SACS: variants seen among roughly 807,000 people sequenced by gnomAD.
The protein encoded by SACS is sacsin.
Under a neutral mutation model 348.0 loss-of-function variants are expected in SACS, and 197 were observed. The observed-to-expected ratio is 0.57, with a 90% CI of 0.50 to 0.64. The LOEUF (loss-of-function observed/expected upper bound fraction) is 0.64, where lower values mean the gene tolerates loss of function less well. Among genes scored for constraint, SACS ranks in the 30% least tolerant of loss-of-function variants. The probability of loss-of-function intolerance (pLI) is 0.00; values close to 1 mark genes in which losing one functional copy is unlikely to be tolerated. For missense variants in SACS, 4,999 were observed against 5,360.8 expected (o/e 0.93, Z 2.11); for synonymous variants, 1,985 against 1,910.6 (o/e 1.04, Z -1.02).
chr13:23,418,591 C>T (rs1050830605), intron 1 of SACS, among the ~76,000 whole-genome samples: 4 of 152,108 alleles, frequency 2.6e-5, no homozygotes, highest in African/African-American at 7.2e-5. Context: ...CTGCAACTTC[C>T]GCCTCCTGGG....
intron 2 of SACS, among the ~76,000 whole-genome samples, chr13:23,381,563 G>C (rs1872061329): frequency 6.6e-6 from 1 of 152,130 alleles, no homozygotes; most frequent in Non-Finnish European, 1.5e-5. Context: ...CTTCTTTTCA[G>C]TTACTGACAG....
At chr13:23,379,124 G>A (rs1871936632) in intron 2 of SACS, among the ~76,000 whole-genome samples, 1 of 152,096 alleles carries the variant, frequency 6.6e-6, no homozygotes, top group Non-Finnish European at 1.5e-5. Flanking sequence ...TGAATCGAGG[G>A]TGTGACCCCA....
chr13:23,430,065 G>A (rs967534246), intron 1 of SACS, among the ~76,000 whole-genome samples: 19 of 152,096 alleles, frequency 1.2e-4, no homozygotes, highest in South Asian at 1.2e-3. Flanking sequence ...AAAATTAGCC[G>A]GACGTGGTAG....
At chr13:23,385,227 C>G (rs1872241150) in intron 2 of SACS, among the ~76,000 whole-genome samples, 2 of 152,094 alleles carry the variant, frequency 1.3e-5, no homozygotes, top group Non-Finnish European at 2.9e-5. Context: ...CTTGCTGTTT[C>G]CATCACTTCT....
In SACS at chr13:23,340,652, G is replaced by A. The variant is rs1292599335; in HGVS notation, c.3224C>T (p.Pro1075Leu). The change falls in exon 10 of 10, where the codon CCC becomes CTC. Residue 1075 changes from proline to leucine, a missense_variant. By Grantham distance (98) the Pro-to-Leu change is moderately conservative. Transcript: ENST00000382292. ...AATATCTGGTGAGGTAAAAACTGAG[G>A]GTGGGAAATAGGTTCCTTCTTCATT... ...FCNEEGTYFP[P>L]SVFTSPDILH... is the part of the protein sequence containing the mutation. 3.7e-6 allele frequency: 6 copies of A among 1,600,354 alleles called. No individual in the cohort carries two copies. The highest frequency in any genetic ancestry group is 1.3e-5 in the African/African-American group (1 of 74,076).
At chr13:23,429,698 T>C (rs1874355970) in intron 1 of SACS, among the ~76,000 whole-genome samples, 1 of 151,974 alleles carries the variant, frequency 6.6e-6, no homozygotes, top group Admixed American at 6.6e-5. Context: ...TGAATCCCAT[T>C]TAAGAAGGAG....
At position 23,336,525 on chromosome 13, in the gene SACS, T is replaced by G; in HGVS notation, c.7351A>C (p.Ile2451Leu). 5.0e-6 allele frequency: 8 copies of G among 1,613,960 alleles called. No individual in the cohort carries two copies. Among genetic ancestry groups the G allele is most frequent in the Non-Finnish European group, 6.8e-6 (8 of 1,179,896 alleles). ...ATAAGATTAGTATCTGGCAATAATA[T>G]CTTGCCATAATTTTTCTCACAAAAT... ...QEFCEKNYGKILLPDTNLMLL... is the reference protein window; with the variant it reads ...QEFCEKNYGKLLLPDTNLMLL... The change falls in exon 10 of 10, where the codon ATA (isoleucine) becomes CTA (leucine). Residue 2451 changes from isoleucine to leucine, a missense_variant. Around this residue, in one of 6 missense-constraint regions of SACS, gnomAD observed 3,156 missense variants for 3,380.1 expected, o/e 0.93. Coordinates refer to ENST00000382292, the MANE Select transcript of SACS (RefSeq NM_014363.6).
chr13:23,384,665 T>C (rs558622418), intron 2 of SACS, among the ~76,000 whole-genome samples: 1 of 152,144 alleles, frequency 6.6e-6, no homozygotes, highest in Non-Finnish European at 1.5e-5. Context: ...TTGGGAGATG[T>C]AATGGTGAAA....
intron 7 of SACS, among the ~76,000 whole-genome samples, chr13:23,356,313 C>T (rs1870387320): frequency 6.6e-6 from 1 of 152,090 alleles, no homozygotes. Flanking sequence ...TACACTTAAC[C>T]CCCACCACCA....
In SACS at chr13:23,331,098, AAGG is replaced by A. The variant is rs1555249469; in HGVS notation, c.12775_12777del (p.Pro4259del). 2 of 1,614,088 alleles carry A rather than the reference AAGG, an allele frequency of 1.2e-6. No individual in the cohort carries two copies. Among genetic ancestry groups the A allele is most frequent in the Admixed American group, 3.3e-5 (2 of 60,002 alleles). Reference sequence around the variant, plus strand: ...AACTCAGTGGGGCTGGTTGGTGTAGAAGGAGCACTGTCCCTGCTTTGAGAGCTT... The same window carrying A: ...AACTCAGTGGGGCTGGTTGGTGTAGAAGCACTGTCCCTGCTTTGAGAGCTT... On this transcript the variant is annotated inframe_deletion, in exon 10 of 10. Transcript: ENST00000382292.
chr13:23,380,552 A>T (rs927815122), intron 2 of SACS, among the ~76,000 whole-genome samples: 9 of 152,162 alleles, frequency 5.9e-5, no homozygotes, highest in Non-Finnish European at 1.2e-4. Flanking sequence ...AATAATAATA[A>T]AGCTGTCACT....
Position 23,338,046 on chromosome 13 carries a change from C to T in SACS, c.5830G>A (p.Ala1944Thr), listed in dbSNP as rs1014893612. The T allele has an allele frequency of 1.2e-6, 2 of 1,613,812 alleles. No homozygotes were observed. Among genetic ancestry groups the T allele is most frequent in the South Asian group, 1.1e-5 (1 of 91,038 alleles). The part of the protein sequence containing the change: ...SGELMDYTYY[A>T]VWPDPDLVHD... ...ACTAAATCAGGATCGGGCCATACTG[C>T]ATAGTAAGTATAATCCATTAGCTCC... Residue 1944 changes from alanine to threonine, a missense_variant, in exon 10 of 10, where the codon GCA (alanine) becomes ACA (threonine). By Grantham distance (58) the Ala-to-Thr change is moderately conservative (BLOSUM62 0). This residue lies in a region of SACS where 3,156 missense variants were observed against 3,380.1 expected (regional missense o/e 0.93). Coordinates refer to ENST00000382292, the MANE Select transcript of SACS (RefSeq NM_014363.6).
Position 23,333,562 on chromosome 13 carries a change from TG to T in SACS, c.10313del (p.Ser3438Ter). On this transcript the variant is annotated frameshift_variant, in exon 10 of 10. Coordinates refer to ENST00000382292, the MANE Select transcript of SACS (RefSeq NM_014363.6). LOFTEE classifies it high-confidence loss of function. ...TCYVLTKSIP[S>X]AEVEKWTQSS... ...ACTGTGTCCATTTCTCCACTTCAGC[TG>T]AAGGGATACTTTTTGTAAGTACGTA... 6.2e-7 allele frequency: 1 copy of T among 1,613,696 alleles called. No individual in the cohort carries two copies. The highest frequency in any genetic ancestry group is 8.5e-7 in the Non-Finnish European group (1 of 1,179,694).
chr13:23,375,596 C>A (rs2072371021), intron 2 of SACS: 2 of 1,009,640 alleles, frequency 2.0e-6, no homozygotes, highest in African/African-American at 3.4e-5. Context: ...GCAGGCGCCG[C>A]CCGCGGGGAC....
At chr13:23,395,053 C>T (rs1023732337) in intron 2 of SACS, among the ~76,000 whole-genome samples, 13 of 152,192 alleles carry the variant, frequency 8.5e-5, no homozygotes, top group African/African-American at 2.9e-4. Flanking sequence ...ATTGAGTATA[C>T]TGTAGAAGCT....
Position 23,340,135 on chromosome 13 carries a change from T to C in SACS, c.3741A>G (p.Gln1247=), listed in dbSNP as rs763977282. 2 of 1,613,784 alleles carry C rather than the reference T, an allele frequency of 1.2e-6. No individual in the cohort carries two copies. Among genetic ancestry groups the C allele is most frequent in the East Asian group, 2.2e-5 (1 of 44,878 alleles). Residue 1247 remains glutamine (Q), a synonymous_variant, in exon 10 of 10, where the codon CAA becomes CAG. Transcript: ENST00000382292. Reference sequence around the variant, plus strand: ...AAATCTCAAGCAAAATATGCTGGAATTGATAGTAGTCTTCATCACTAAAGG... The same window carrying C: ...AAATCTCAAGCAAAATATGCTGGAACTGATAGTAGTCTTCATCACTAAAGG... ...SKTFSDEDYY[Q]FQHILLEIYG...
Position 23,355,380 on chromosome 13 carries a change from G to C in SACS, c.1232C>G (p.Ala411Gly). ...GATTGGGACAAATTTCAGTTCATCA[G>C]CTAAAGAGTCAAGCTTACTACTGAT... ...RGISSKLDSL[A>G]DELKFVPIIG... Residue 411 changes from alanine (A) to glycine (G), a missense_variant, in exon 8 of 10, where the codon GCT (alanine) becomes GGT (glycine). Physicochemically the swap from Ala to Gly is moderately conservative, Grantham distance 60. Around this residue, in one of 6 missense-constraint regions of SACS, gnomAD observed 3,156 missense variants for 3,380.1 expected, o/e 0.93. Transcript: ENST00000382292. 6.2e-7 allele frequency: 1 copy of C among 1,614,100 alleles called. No homozygotes were observed. The highest frequency in any genetic ancestry group is 1.1e-5 in the South Asian group (1 of 91,066).
In SACS at chr13:23,341,117, A is replaced by G. The variant is rs543625271; in HGVS notation, c.2759T>C (p.Ile920Thr). 24 of 1,613,600 alleles carry G rather than the reference A, an allele frequency of 1.5e-5. No individual in the cohort carries two copies. The South Asian group carries it at 2.6e-4, about 18-fold the overall frequency. Residue 920 changes from isoleucine to threonine, a missense_variant, in exon 10 of 10, where the codon ATT becomes ACT. Coordinates refer to ENST00000382292, the MANE Select transcript of SACS (RefSeq NM_014363.6). ...CTTGAATATTGCCAATTCTTGAATA[A>G]TTCTTTTCTCTTTCTCACTGCTATC... is the stretch of plus-strand genomic sequence containing the variant. Reference protein sequence around the residue: ...LTDSSEKEKRIIQELAIFKRI... With the variant: ...LTDSSEKEKRTIQELAIFKRI...
At position 23,334,307 on chromosome 13, in the gene SACS, T is replaced by C. The variant is rs767575398; in HGVS notation, c.9569A>G (p.Asn3190Ser). 5 of 1,607,436 alleles carry C rather than the reference T, an allele frequency of 3.1e-6. No individual in the cohort carries two copies. Among genetic ancestry groups the C allele is most frequent in the African/African-American group, 1.3e-5 (1 of 74,434 alleles). The change falls in exon 10 of 10, where the codon AAT (asparagine) becomes AGT (serine). Residue 3190 changes from asparagine to serine, a missense_variant. Asn to Ser is a conservative substitution (Grantham distance 46). Transcript: ENST00000382292. ...ATTACTATATTTCAAATATAATGTA[T>C]TCATAAACAAGTCTTTGCGGGATGG... ...LIPSRKDLFM[N>S]TLYLKYSNIL...
Sources: gnomAD v4.1 joint callset for allele counts (sites outside exome capture counted in the v4.1 genomes callset) on GRCh38, gnomAD v4.1.1 for gene constraint, gnomAD v4.1.1 regional missense constraint, MANE v1.5 for transcripts, NCBI Gene and HGNC (gene_info 2026-07-23, HGNC 2026-07-21) for gene names.